Variants in TRHDE observed in about 807,000 individuals in gnomAD.
The protein encoded by TRHDE is thyrotropin releasing hormone degrading enzyme.
Under a neutral mutation model 125.7 loss-of-function variants are expected in TRHDE, and 72 were observed. The ratio of observed to expected loss-of-function variants is 0.57; its 90% CI spans 0.47 to 0.70. The LOEUF (loss-of-function observed/expected upper bound fraction) is 0.70, where lower values mean the gene tolerates loss of function less well. TRHDE is among the 30% of genes least tolerant of loss of function. TRHDE has a pLI of 0.00. For missense variants in TRHDE, 1,110 were observed against 1,327.1 expected, an observed-to-expected ratio of 0.84 and a Z score of 2.54; for synonymous variants, 509 against 509.1, an observed-to-expected ratio of 1.00 and a Z score of 0.00.
chr12:72,306,072 TC>T (rs1359752045), intron 2 of TRHDE, among the ~76,000 whole-genome samples: 2 of 152,204 alleles, frequency 1.3e-5, no homozygotes, highest in African/African-American at 4.8e-5. Flanking sequence ...TATTCCCTTT[TC>T]CCCTCTGCTG....
intron 18 of TRHDE, among the ~76,000 whole-genome samples, chr12:72,657,863 C>G (rs1183673403): frequency 1.3e-5 from 2 of 152,120 alleles, no homozygotes; most frequent in African/African-American, 4.8e-5. Context: ...TGCTCCTGTT[C>G]TCCATTGTAA....
At chr12:72,417,643 A>AT (rs950550401) in intron 3 of TRHDE, among the ~76,000 whole-genome samples, 41 of 151,900 alleles carry the variant, frequency 2.7e-4, no homozygotes, top group Non-Finnish European at 5.6e-4. Context: ...TCTGTGACAG[A>AT]TTTTTCCCCC....
chr12:72,442,077 C>A (rs908368583), intron 3 of TRHDE, among the ~76,000 whole-genome samples: 1 of 151,838 alleles, frequency 6.6e-6, no homozygotes, highest in African/African-American at 2.4e-5. Context: ...AGAGGATAGT[C>A]TGTAAATGAT....
chr12:72,369,934 A>G, intron 2 of TRHDE, among the ~76,000 whole-genome samples: 1 of 152,114 alleles, frequency 6.6e-6, no homozygotes, highest in Non-Finnish European at 1.5e-5. Context: ...GTTTATGAAG[A>G]TTTACTCTCT....
rs59590935 is a variant in TRHDE at position 72,166,907 on chromosome 12, CGTGTGTGTGTGT to C, written n.279+61190_279+61201del. On this transcript the variant is annotated intron_variant and non_coding_transcript_variant, in intron 2 of 4. Transcript: ENST00000548156. The stretch of plus-strand genomic sequence containing the variant: ...AATGGAAGAATAAAAGGTAGATGAA[CGTGTGTGTGTGT>C]GTGTGTGTGTGTGTGTGTGTGTGTG... Among the ~76,000 whole-genome samples, 131 of 139,332 alleles carry C rather than the reference CGTGTGTGTGTGT, an allele frequency of 9.4e-4. 1 individual carries two copies. The East Asian group carries it at 0.018, about 19-fold the overall frequency. The allele number at this position is 139,332 out of a possible 152,430, so 91.4% of individuals were successfully genotyped here. A position where few individuals can be genotyped will look rare whatever the true frequency, so the allele number is the denominator to read the frequency against.
At chr12:72,259,924 T>A (rs961547439) in intron 2 of TRHDE, among the ~76,000 whole-genome samples, 1 of 152,218 alleles carries the variant, frequency 6.6e-6, no homozygotes, top group African/African-American at 2.4e-5. Flanking sequence ...TATTTAGGCA[T>A]CATGTAAATG....
At chr12:72,365,758 C>T (rs957625477) in intron 2 of TRHDE, among the ~76,000 whole-genome samples, 1 of 152,136 alleles carries the variant, frequency 6.6e-6, no homozygotes, top group Non-Finnish European at 1.5e-5. Context: ...ATATTAGCTT[C>T]CCATTGCAGC....
intron 3 of TRHDE, among the ~76,000 whole-genome samples, chr12:72,436,015 T>C (rs1484270448): frequency 6.6e-6 from 1 of 152,046 alleles, no homozygotes; most frequent in East Asian, 1.9e-4. Context: ...TTACACTAAA[T>C]GAAAATATAA....
intron 3 of TRHDE, among the ~76,000 whole-genome samples, chr12:72,417,261 A>G (rs1592429516): frequency 6.6e-6 from 1 of 152,050 alleles, no homozygotes; most frequent in South Asian, 2.1e-4. Flanking sequence ...AGTAATCACA[A>G]ACAGGCTGGA....
At chr12:72,389,277 T>C (rs1565723746) in intron 3 of TRHDE, among the ~76,000 whole-genome samples, 2 of 152,064 alleles carry the variant, frequency 1.3e-5, no homozygotes, top group African/African-American at 2.4e-5. Flanking sequence ...ATCTGACTTG[T>C]GGAGTAATAC....
rs566000117 is a variant in TRHDE, at chr12:72,162,412, G to A, written n.279+56660G>A. On this transcript the variant is annotated intron_variant and non_coding_transcript_variant, in intron 2 of 4. Coordinates refer to the TRHDE transcript ENST00000548156. ...CCAGATTCTTCCTGTCACAGTGGTG[G>A]CAGTGTTTCAGTCACATCAGAATTA... Among the ~76,000 whole-genome samples the A allele has an allele frequency of 4.6e-5, 7 of 152,288 alleles. No individual in the cohort carries two copies. In the South Asian group the frequency reaches 8.3e-4, roughly 18 times the overall value.
chr12:72,215,903 T>C (rs1204120700), intron 2 of TRHDE, among the ~76,000 whole-genome samples: 2 of 152,180 alleles, frequency 1.3e-5, no homozygotes, highest in Admixed American at 6.5e-5. Flanking sequence ...CTTCTGAATA[T>C]GCACTTTCGC....
intron 15 of TRHDE, among the ~76,000 whole-genome samples, chr12:72,640,160 C>T (rs558265959): frequency 2.0e-5 from 3 of 152,350 alleles, no homozygotes; most frequent in Admixed American, 6.5e-5. Context: ...AGCGAGACTC[C>T]GTGGGCGTAG....
intron 2 of TRHDE, among the ~76,000 whole-genome samples, chr12:72,227,529 G>T (rs1878157965): frequency 6.6e-6 from 1 of 152,086 alleles, no homozygotes; most frequent in Non-Finnish European, 1.5e-5. Context: ...ATGAGATATG[G>T]GGGGACACAG....
chr12:72,117,453 A>C (rs1875473147), intron 2 of TRHDE, among the ~76,000 whole-genome samples: 1 of 152,162 alleles, frequency 6.6e-6, no homozygotes, highest in Non-Finnish European at 1.5e-5. Context: ...ATTTTATGCC[A>C]GCACCATGCT....
chr12:72,287,438 G>A (rs1375634169), intron 2 of TRHDE, among the ~76,000 whole-genome samples: 3 of 152,198 alleles, frequency 2.0e-5, no homozygotes, highest in African/African-American at 7.2e-5. Context: ...GTAAAACATA[G>A]GATGGAGTTG....
intron 10 of TRHDE, among the ~76,000 whole-genome samples, chr12:72,571,517 TA>T (rs1485619762): frequency 6.6e-6 from 1 of 152,196 alleles, no homozygotes; most frequent in Admixed American, 6.5e-5. Flanking sequence ...AGGTAAAGCA[TA>T]GATCATTTTA....
At chr12:72,631,689 G>A (rs1016810002) in intron 15 of TRHDE, among the ~76,000 whole-genome samples, 1 of 151,880 alleles carries the variant, frequency 6.6e-6, no homozygotes. Flanking sequence ...CTAGAGAATT[G>A]TATTTTGAGC....
chr12:72,115,630 T>C (rs1875425735), intron 2 of TRHDE, among the ~76,000 whole-genome samples: 1 of 152,114 alleles, frequency 6.6e-6, no homozygotes, highest in South Asian at 2.1e-4. Flanking sequence ...TCCAAAATGT[T>C]TTCCCCAGTG....
Sources: allele counts gnomAD v4.1 joint callset (sites outside exome capture counted in the v4.1 genomes callset), GRCh38; gene constraint gnomAD v4.1.1; transcripts MANE v1.5; gene names NCBI Gene and HGNC (gene_info 2026-07-23, HGNC 2026-07-21).